YTHDF3: variants seen among roughly 807,000 people sequenced by gnomAD.
YTHDF3 encodes the protein YTH domain-containing family protein 3.
A neutral mutation model predicts 52.5 loss-of-function variants in YTHDF3; 9 were observed. The observed-to-expected ratio is 0.17, with a 90% CI of 0.10 to 0.30. The LOEUF (loss-of-function observed/expected upper bound fraction) is 0.30, where lower values mean the gene tolerates loss of function less well. Ranked by LOEUF, YTHDF3 falls within the 10% of genes least tolerant of loss-of-function variation. The pLI, the probability that YTHDF3 is intolerant of heterozygous loss-of-function variation, is 1.00. For missense variants in YTHDF3, 534 were observed against 715.0 expected (o/e 0.75, Z 2.89); for synonymous variants, 274 against 243.3 (o/e 1.13, Z -1.18).
At chr8:63,190,603 C>T (rs868755110) in intron 4 of YTHDF3, among the ~76,000 whole-genome samples, 10 of 152,066 alleles carry the variant, frequency 6.6e-5, no homozygotes, top group South Asian at 2.1e-4. Context: ...ATAAACAGAC[C>T]GCAGCCTACT....
intron 3 of YTHDF3, among the ~76,000 whole-genome samples, chr8:63,184,483 TAGAC>T (rs1444136688): frequency 6.6e-6 from 1 of 152,246 alleles, no homozygotes. Context: ...TCATAGACAG[TAGAC>T]AGTTACAAGA....
At position 63,209,830 on chromosome 8, in the gene YTHDF3, C is replaced by T. The variant is rs1288644487; in HGVS notation, c.*124C>T. The T allele has an allele frequency of 1.1e-6, 1 of 949,804 alleles. No individual in the cohort carries two copies. The highest frequency in any genetic ancestry group is 1.5e-6 in the Non-Finnish European group (1 of 652,668). The allele number at this position is 949,804 out of a possible 1,614,324, so 58.8% of individuals were successfully genotyped here. On this transcript the variant is annotated 3_prime_UTR_variant, in exon 5 of 5. Transcript: ENST00000539294. ...AAGGTGACATCTTTGAACACTTTAA[C>T]ACAAAGTTGACTCTTCTCGTAATGG...
intron 3 of YTHDF3, among the ~76,000 whole-genome samples, chr8:63,179,622 C>T (rs1807942015): frequency 6.6e-6 from 1 of 152,204 alleles, no homozygotes. Context: ...CTACCTCTTT[C>T]TACACAGACA....
At chr8:63,192,038 C>T (rs1201466364) in intron 4 of YTHDF3, among the ~76,000 whole-genome samples, 1 of 152,112 alleles carries the variant, frequency 6.6e-6, no homozygotes, top group Non-Finnish European at 1.5e-5. Flanking sequence ...GCGTACAGCT[C>T]TATGAATTTT....
chr8:63,186,762 A>C lies in YTHDF3; in HGVS notation c.751A>C (p.Lys251Gln). 6.2e-7 allele frequency: 1 copy of C among 1,613,970 alleles called. No homozygotes were observed. The highest frequency in any genetic ancestry group is 8.5e-7 in the Non-Finnish European group (1 of 1,179,876). ...IARKPAKPQP[K>Q]LKPKGNVGIG... ...CAGAAAGCCTGCCAAACCTCAACCGAAACTTAAACCCAAGGGCAATGTGGG... is the reference window on the plus strand; with the variant it reads ...CAGAAAGCCTGCCAAACCTCAACCGCAACTTAAACCCAAGGGCAATGTGGG... Residue 251 changes from lysine (K) to glutamine (Q), a missense_variant, in exon 4 of 5, where the codon AAA (lysine) becomes CAA (glutamine). Physicochemically the swap from Lys to Gln is moderately conservative, Grantham distance 53. Transcript: ENST00000539294.
chr8:63,191,035 C>T (rs1459211180), intron 4 of YTHDF3, among the ~76,000 whole-genome samples: 3 of 152,134 alleles, frequency 2.0e-5, no homozygotes, highest in Non-Finnish European at 2.9e-5. Context: ...TCTTTCTAGT[C>T]AACAGCCTTT....
At chr8:63,207,716 ACTTACC>A (rs1810122485) in intron 4 of YTHDF3, among the ~76,000 whole-genome samples, 1 of 152,156 alleles carries the variant, frequency 6.6e-6, no homozygotes. Context: ...TCTTTGTCTG[ACTTACC>A]CTTAAGAAGA....
chr8:63,169,120 C>A (rs1310535780), intron 1 of YTHDF3: 1 of 1,397,490 alleles, frequency 7.2e-7, no homozygotes, highest in Non-Finnish European at 9.2e-7. Context: ...GGGCAAGGAC[C>A]GGTCTTAGGG....
chr8:63,199,852 T>C (rs1024191932), intron 4 of YTHDF3, among the ~76,000 whole-genome samples: 1 of 152,188 alleles, frequency 6.6e-6, no homozygotes, highest in African/African-American at 2.4e-5. Flanking sequence ...TAGGGAAAGA[T>C]ATCACAGCTC....
At chr8:63,195,297 CG>C (rs1809164140) in intron 4 of YTHDF3, among the ~76,000 whole-genome samples, 2 of 152,020 alleles carry the variant, frequency 1.3e-5, no homozygotes, top group African/African-American at 4.8e-5. Flanking sequence ...GCTGTAATTC[CG>C]GGTGTGGAAG....
rs1209810783 is a variant in YTHDF3 at position 63,168,856 on chromosome 8, G to A, written c.-22G>A. The A allele has an allele frequency of 6.4e-7, 1 of 1,554,178 alleles. No homozygotes were observed. Among genetic ancestry groups the A allele is most frequent in the East Asian group, 2.4e-5 (1 of 41,052 alleles). On this transcript the variant is annotated 5_prime_UTR_variant, in exon 1 of 5. Coordinates refer to ENST00000539294, the MANE Select transcript of YTHDF3 (RefSeq NM_152758.6). Reference sequence around the variant, plus strand: ...AGGCCCAGGCAGCGGCGGCGGCGGCGGCTCTCGGGTTGCGGTGAAGAATGT... The same window carrying A: ...AGGCCCAGGCAGCGGCGGCGGCGGCAGCTCTCGGGTTGCGGTGAAGAATGT...
intron 4 of YTHDF3, among the ~76,000 whole-genome samples, chr8:63,189,540 A>G (rs1032710793): frequency 1.3e-5 from 2 of 152,330 alleles, no homozygotes; most frequent in African/African-American, 4.8e-5. Context: ...ACTCTATGTA[A>G]AATCAGTGAT....
rs148593502 is a variant in YTHDF3 at position 63,177,938 on chromosome 8, A to G, written c.135+2522A>G. 7.2e-5 allele frequency among the ~76,000 whole-genome samples: 11 copies of G among 152,142 alleles called. No individual in the cohort carries two copies. The East Asian group carries it at 1.7e-3, about 24-fold the overall frequency. On this transcript the variant is annotated intron_variant, in intron 3 of 4. Coordinates refer to ENST00000539294, the MANE Select transcript of YTHDF3 (RefSeq NM_152758.6). ...ACGCCTGGCTAATTTTTATATTTTT[A>G]GGAGAGGTGAGGTTTCACCATATTG... is the stretch of plus-strand genomic sequence containing the variant.
intron 3 of YTHDF3, among the ~76,000 whole-genome samples, chr8:63,182,188 C>T (rs1055242548): frequency 1.3e-5 from 2 of 151,306 alleles, no homozygotes; most frequent in Non-Finnish European, 2.9e-5. Flanking sequence ...CCCACCTCAC[C>T]TCCCAAGTAG....
chr8:63,169,627 C>G (rs1189108875), intron 2 of YTHDF3: 1 of 574,548 alleles, frequency 1.7e-6, no homozygotes, highest in African/African-American at 1.9e-5. Context: ...GTACGAGAAA[C>G]AGTTTCCTTG....
At chr8:63,184,605 C>G (rs1301258783) in intron 3 of YTHDF3, among the ~76,000 whole-genome samples, 2 of 152,264 alleles carry the variant, frequency 1.3e-5, no homozygotes, top group Admixed American at 6.5e-5. Flanking sequence ...AAAATTAGTT[C>G]CAGGCAGGAT....
chr8:63,183,560 G>A (rs1306460069), intron 3 of YTHDF3, among the ~76,000 whole-genome samples: 3 of 152,132 alleles, frequency 2.0e-5, no homozygotes, highest in Non-Finnish European at 4.4e-5. Flanking sequence ...ATAGCAGTCA[G>A]TACTTCCAGT....
At position 63,178,517 on chromosome 8, in the gene YTHDF3, A is replaced by T. The variant is rs985563732; in HGVS notation, c.135+3101A>T. 5.3e-5 allele frequency among the ~76,000 whole-genome samples: 8 copies of T among 152,330 alleles called. No homozygotes were observed. In the East Asian group the frequency reaches 9.6e-4, roughly 18 times the overall value. Reference sequence around the variant, plus strand: ...TTGGAGCAAAACATTTGTAAAATAGATTTGTTTTAACTCATGATATTTGGA... The same window carrying T: ...TTGGAGCAAAACATTTGTAAAATAGTTTTGTTTTAACTCATGATATTTGGA... On this transcript the variant is annotated intron_variant, in intron 3 of 4. Transcript: ENST00000539294.
intron 3 of YTHDF3, among the ~76,000 whole-genome samples, chr8:63,180,966 AAGAGGG>A (rs1213138398): frequency 6.6e-6 from 1 of 152,242 alleles, no homozygotes; most frequent in African/African-American, 2.4e-5. Flanking sequence ...AGACCGTGGA[AAGAGGG>A]AGAGGGAGAG....
Sources: gnomAD v4.1 joint callset for allele counts (sites outside exome capture counted in the v4.1 genomes callset) on GRCh38, gnomAD v4.1.1 for gene constraint, MANE v1.5 for transcripts, NCBI Gene and HGNC (gene_info 2026-07-23, HGNC 2026-07-21) for gene names.